The following ACOXL variants were observed in gnomAD, a reference collection of about 807,000 sequenced individuals.
The protein encoded by ACOXL is acyl-CoA oxidase like.
A neutral mutation model predicts 71.9 loss-of-function variants in ACOXL; 70 were observed. That is an observed-to-expected ratio of 0.97 (90% CI 0.80 to 1.19). The LOEUF (loss-of-function observed/expected upper bound fraction) is 1.19. Ranked by LOEUF, ACOXL falls within the 50% of genes most tolerant of loss-of-function variation. The probability of loss-of-function intolerance (pLI) is 0.00; values close to 1 mark genes in which losing one functional copy is unlikely to be tolerated. For missense variants in ACOXL, 703 were observed against 736.3 expected (o/e 0.95, Z 0.52); for synonymous variants, 253 against 281.6 (o/e 0.90, Z 1.02).
chr2:110,769,616 T>A (rs982141178), intron 2 of ACOXL, among the ~76,000 whole-genome samples: 3 of 152,008 alleles, frequency 2.0e-5, no homozygotes, highest in African/African-American at 7.3e-5. Context: ...TGGCGAAACA[T>A]GGCCTGGGCA....
intron 9 of ACOXL, among the ~76,000 whole-genome samples, chr2:110,822,350 A>G (rs1161680273): frequency 6.6e-6 from 1 of 151,964 alleles, no homozygotes; most frequent in African/African-American, 2.4e-5. Flanking sequence ...TCTGTAGCCT[A>G]CTCCAACAGT....
intron 16 of ACOXL, among the ~76,000 whole-genome samples, chr2:111,066,322 A>C (rs1217700438): frequency 6.6e-6 from 1 of 152,212 alleles, no homozygotes; most frequent in African/African-American, 2.4e-5. Flanking sequence ...CAGTCTTGAT[A>C]TGACAAAATT....
At chr2:110,815,529 A>T (rs1263647894) in intron 9 of ACOXL, among the ~76,000 whole-genome samples, 2 of 152,206 alleles carry the variant, frequency 1.3e-5, no homozygotes, top group African/African-American at 4.8e-5. Context: ...CCTTAGAAGG[A>T]GGGGATGTTT....
intron 1 of ACOXL, among the ~76,000 whole-genome samples, chr2:110,749,797 C>T (rs1044950876): frequency 3.9e-5 from 6 of 152,280 alleles, no homozygotes; most frequent in Admixed American, 1.3e-4. Context: ...CACTGGTGGT[C>T]GATTTCTGCT....
At chr2:110,825,391 A>G (rs775626870) in intron 9 of ACOXL, among the ~76,000 whole-genome samples, 12 of 152,024 alleles carry the variant, frequency 7.9e-5, no homozygotes, top group Non-Finnish European at 1.2e-4. Context: ...ACTCCCCTCT[A>G]TAATCTATCT....
At chr2:111,109,764 T>C (rs994424498) in intron 17 of ACOXL, among the ~76,000 whole-genome samples, 3 of 145,780 alleles carry the variant, frequency 2.1e-5, no homozygotes, top group African/African-American at 7.6e-5. Flanking sequence ...CTGCAACTTC[T>C]GCCTCCCAGG....
intron 10 of ACOXL, among the ~76,000 whole-genome samples, chr2:110,849,805 A>G (rs576265187): frequency 1.3e-5 from 2 of 152,334 alleles, no homozygotes; most frequent in East Asian, 1.9e-4. Context: ...CAGCCAAGCA[A>G]TTTTGAAAAA....
intron 1 of ACOXL, among the ~76,000 whole-genome samples, chr2:110,744,273 A>G (rs1309671887): frequency 2.0e-5 from 3 of 152,228 alleles, no homozygotes; most frequent in African/African-American, 4.8e-5. Context: ...CCCAAGGAAC[A>G]TAGTTGGTGG....
At chr2:110,900,723 C>T (rs1237877799) in intron 10 of ACOXL, among the ~76,000 whole-genome samples, 1 of 152,168 alleles carries the variant, frequency 6.6e-6, no homozygotes, top group Non-Finnish European at 1.5e-5. Flanking sequence ...CAGCCAGGTT[C>T]CTTGGTGTTT....
At chr2:111,034,078 C>G (rs1416096809) in intron 15 of ACOXL, among the ~76,000 whole-genome samples, 1 of 152,184 alleles carries the variant, frequency 6.6e-6, no homozygotes, top group Non-Finnish European at 1.5e-5. Flanking sequence ...AGTCAGGTCA[C>G]CAGGTTCAGA....
chr2:110,946,184 T>G (rs775060561), intron 12 of ACOXL, among the ~76,000 whole-genome samples: 5 of 152,260 alleles, frequency 3.3e-5, no homozygotes, highest in Admixed American at 1.3e-4. Context: ...GGCTCTCAGT[T>G]TGAACGTTGC....
At chr2:111,096,199 C>T (rs1330714023) in intron 17 of ACOXL, among the ~76,000 whole-genome samples, 4 of 150,196 alleles carry the variant, frequency 2.7e-5, no homozygotes, top group East Asian at 2.0e-4. Context: ...TTTTTAATTC[C>T]AATTGTTAGA....
At chr2:110,772,829 C>A (rs1267647555) in intron 2 of ACOXL, among the ~76,000 whole-genome samples, 4 of 152,174 alleles carry the variant, frequency 2.6e-5, no homozygotes, top group Admixed American at 2.6e-4. Context: ...ACTGGATATT[C>A]ATCATAAACT....
At chr2:110,970,799 C>T (rs2062152034) in intron 12 of ACOXL, among the ~76,000 whole-genome samples, 1 of 152,096 alleles carries the variant, frequency 6.6e-6, no homozygotes, top group African/African-American at 2.4e-5. Context: ...ACCTAACTCT[C>T]ACACATTATA....
chr2:110,928,693 G>C lies in ACOXL; in HGVS notation c.906-4796G>C, dbSNP rs2060369677. On this transcript the variant is annotated intron_variant, in intron 11 of 17. Coordinates refer to ENST00000439055, the MANE Select transcript of ACOXL (RefSeq NM_001142807.4). ...GGTGGGTTCCTGATATTGTTTGGCT[G>C]TGTCCCCACTCAAATCTCATCTTGA... Among the ~76,000 whole-genome samples, 2 of 152,166 alleles carry C rather than the reference G, an allele frequency of 1.3e-5. 1 individual carries two copies. The highest frequency in any genetic ancestry group is 4.1e-4 in the South Asian group (2 of 4,826).
In ACOXL at chr2:110,835,638, A is replaced by T. The variant is rs1171216384; in HGVS notation, c.754-5733A>T. ...GCCTGAAGCTGAGTATAGAACATTG[A>T]AATGACATTAAGAGGACATAAAATG... On this transcript the variant is annotated intron_variant, in intron 9 of 17. Transcript: ENST00000439055. Among the ~76,000 whole-genome samples the T allele has an allele frequency of 2.0e-5, 3 of 152,220 alleles. No homozygotes were observed. The East Asian group carries it at 5.8e-4, about 29-fold the overall frequency.
chr2:110,825,650 G>C (rs991726884), intron 9 of ACOXL, among the ~76,000 whole-genome samples: 1 of 151,872 alleles, frequency 6.6e-6, no homozygotes, highest in African/African-American at 2.4e-5. Flanking sequence ...CTTTTTAATA[G>C]TACATAGTAG....
chr2:111,014,139 T>C (rs13422909), intron 14 of ACOXL, among the ~76,000 whole-genome samples: 7,123 of 152,172 alleles, frequency 0.047, 567 homozygotes, highest in African/African-American at 0.16. Flanking sequence ...AATAGTGAAA[T>C]ATTACACACT....
At chr2:111,079,317 C>T (rs891016857) in intron 16 of ACOXL, among the ~76,000 whole-genome samples, 1 of 152,148 alleles carries the variant, frequency 6.6e-6, no homozygotes, top group Non-Finnish European at 1.5e-5. Flanking sequence ...AGTGTATATA[C>T]ATTATTTAGT....
Sources: gnomAD v4.1 joint callset for allele counts (sites outside exome capture counted in the v4.1 genomes callset) on GRCh38, gnomAD v4.1.1 for gene constraint, MANE v1.5 for transcripts, NCBI Gene and HGNC (gene_info 2026-07-23, HGNC 2026-07-21) for gene names.